The following PLCB1 variants were observed in gnomAD, a reference collection of about 807,000 sequenced individuals.
PLCB1 encodes the protein phospholipase C beta 1.
In PLCB1, 46 loss-of-function variants were observed where a neutral mutation model predicts 161.8. The observed-to-expected ratio is 0.28, with a 90% CI of 0.22 to 0.36. The LOEUF is 0.36. Among genes scored for constraint, PLCB1 ranks in the 10% least tolerant of loss-of-function variants. The pLI is 1.00. For synonymous variants in PLCB1, 517 were observed against 503.7 expected, an observed-to-expected ratio of 1.03 and a Z score of -0.35; for missense variants, 1,016 against 1,472.5, an observed-to-expected ratio of 0.69 and a Z score of 5.07.
At chr20:8,228,561 G>T (rs1296435091) in intron 2 of PLCB1, among the ~76,000 whole-genome samples, 1 of 152,030 alleles carries the variant, frequency 6.6e-6, no homozygotes, top group African/African-American at 2.4e-5. Context: ...GAGTGCAGTG[G>T]CATGATCATG....
chr20:8,871,351 C>G (rs751478998), intron 31 of PLCB1, among the ~76,000 whole-genome samples: 1 of 152,116 alleles, frequency 6.6e-6, no homozygotes, highest in Non-Finnish European at 1.5e-5. Context: ...ATTGTATGTC[C>G]AATGGAGGAA....
intron 3 of PLCB1, among the ~76,000 whole-genome samples, chr20:8,384,018 G>T (rs1000934091): frequency 2.0e-5 from 3 of 152,010 alleles, no homozygotes; most frequent in Admixed American, 1.3e-4. Context: ...ATCTTCTTGT[G>T]GGGTATCTTA....
Position 8,260,721 on chromosome 20 carries a change from C to T in PLCB1, c.177+110350C>T, listed in dbSNP as rs540504144. ...AAGCATAGCATGCCCATCCAAAGAG[C>T]TCCTAAAGAAAGAGCTCTTGTGGGA... On this transcript the variant is annotated intron_variant, in intron 2 of 31. Transcript: ENST00000338037. Among the ~76,000 whole-genome samples, 3 of 152,248 alleles carry T rather than the reference C, an allele frequency of 2.0e-5. No individual in the cohort carries two copies. The East Asian group carries it at 5.8e-4, about 30-fold the overall frequency.
At chr20:8,218,798 G>A (rs541604876) in intron 2 of PLCB1, among the ~76,000 whole-genome samples, 3 of 152,136 alleles carry the variant, frequency 2.0e-5, no homozygotes, top group East Asian at 3.9e-4. Context: ...TGGTGGGAAA[G>A]GGCCAGCACA....
At chr20:8,416,176 A>G (rs1224990951) in intron 3 of PLCB1, among the ~76,000 whole-genome samples, 1 of 152,158 alleles carries the variant, frequency 6.6e-6, no homozygotes, top group Non-Finnish European at 1.5e-5. Flanking sequence ...AGGTATTGTG[A>G]CTACTTGAAT....
At chr20:8,424,536 C>T (rs1244483193) in intron 3 of PLCB1, among the ~76,000 whole-genome samples, 2 of 152,104 alleles carry the variant, frequency 1.3e-5, no homozygotes, top group Non-Finnish European at 2.9e-5. Flanking sequence ...TTTTCACTAA[C>T]TCCCATGACC....
At chr20:8,807,099 C>A (rs926604143) in intron 31 of PLCB1, among the ~76,000 whole-genome samples, 1 of 152,124 alleles carries the variant, frequency 6.6e-6, no homozygotes, top group Non-Finnish European at 1.5e-5. Flanking sequence ...CAGAGGGTTG[C>A]GTATGTCTGA....
intron 3 of PLCB1, among the ~76,000 whole-genome samples, chr20:8,426,569 G>A (rs1979783622): frequency 1.3e-5 from 2 of 152,156 alleles, no homozygotes; most frequent in South Asian, 4.1e-4. Flanking sequence ...AGGTCAAAGG[G>A]CACAGAGCAG....
At chr20:8,820,075 T>C (rs973294326) in intron 31 of PLCB1, among the ~76,000 whole-genome samples, 28 of 148,856 alleles carry the variant, frequency 1.9e-4, no homozygotes, top group Middle Eastern at 3.6e-3. Context: ...TTACACTGTA[T>C]TGGTTATAAT....
At chr20:8,523,188 C>T (rs1984418670) in intron 3 of PLCB1, among the ~76,000 whole-genome samples, 1 of 151,858 alleles carries the variant, frequency 6.6e-6, no homozygotes, top group South Asian at 2.1e-4. Context: ...TTTATTCATC[C>T]ACCCATCTAA....
intron 3 of PLCB1, among the ~76,000 whole-genome samples, chr20:8,377,269 A>C (rs1987118569): frequency 1.3e-5 from 2 of 152,154 alleles, no homozygotes; most frequent in Non-Finnish European, 1.5e-5. Flanking sequence ...TAGAGACATG[A>C]ACTTAGTGAG....
At chr20:8,203,496 T>A (rs895609476) in intron 2 of PLCB1, among the ~76,000 whole-genome samples, 1 of 152,084 alleles carries the variant, frequency 6.6e-6, no homozygotes, top group Non-Finnish European at 1.5e-5. Context: ...GGTGGAAATG[T>A]CACTTTACCT....
At chr20:8,828,446 G>A (rs576288709) in intron 31 of PLCB1, among the ~76,000 whole-genome samples, 2 of 152,090 alleles carry the variant, frequency 1.3e-5, no homozygotes, top group African/African-American at 4.8e-5. Context: ...TAAGACAATG[G>A]AAAATTATTT....
intron 3 of PLCB1, among the ~76,000 whole-genome samples, chr20:8,611,734 A>G (rs950057429): frequency 6.6e-6 from 1 of 152,176 alleles, no homozygotes; most frequent in Non-Finnish European, 1.5e-5. Context: ...TAGTATTTCC[A>G]GTGGTAGTTT....
intron 2 of PLCB1, among the ~76,000 whole-genome samples, chr20:8,154,232 C>T (rs1156244488): frequency 5.9e-5 from 9 of 152,072 alleles, no homozygotes; most frequent in South Asian, 2.1e-4. Context: ...TATATCATTC[C>T]GTTAAATTGG....
At chr20:8,425,092 T>TCCC (rs1202089428) in intron 3 of PLCB1, among the ~76,000 whole-genome samples, 4 of 151,596 alleles carry the variant, frequency 2.6e-5, no homozygotes, top group Non-Finnish European at 4.4e-5. Context: ...AACATCTGAT[T>TCCC]GGTTGCTTTT....
chr20:8,546,480 A>G (rs949632846), intron 3 of PLCB1, among the ~76,000 whole-genome samples: 2 of 152,124 alleles, frequency 1.3e-5, no homozygotes, highest in African/African-American at 2.4e-5. Flanking sequence ...ATTTTAAGAG[A>G]ACATCATGAT....
At chr20:8,627,785 A>G (rs1009465464) in intron 3 of PLCB1, among the ~76,000 whole-genome samples, 1 of 152,246 alleles carries the variant, frequency 6.6e-6, no homozygotes, top group East Asian at 1.9e-4. Flanking sequence ...CATGGCAGGC[A>G]CTACGATTTT....
chr20:8,300,358 G>A (rs1413105602), intron 2 of PLCB1, among the ~76,000 whole-genome samples: 1 of 152,124 alleles, frequency 6.6e-6, no homozygotes, highest in African/African-American at 2.4e-5. Context: ...ATGGAGATCT[G>A]TTAGTTCCAT....
Sources: gnomAD v4.1 joint callset for allele counts (sites outside exome capture counted in the v4.1 genomes callset) on GRCh38, gnomAD v4.1.1 for gene constraint, MANE v1.5 for transcripts, NCBI Gene and HGNC (gene_info 2026-07-23, HGNC 2026-07-21) for gene names.